EPHA5: variants seen among roughly 807,000 people sequenced by gnomAD.
EPHA5 encodes ephrin type-A receptor 5.
EPHA5 carries 60 observed loss-of-function variants against 105.0 expected under a neutral mutation model. That is an observed-to-expected ratio of 0.57 (90% CI 0.46 to 0.71). The LOEUF is 0.71. Ranked by LOEUF, EPHA5 falls within the 30% of genes least tolerant of loss-of-function variation. The probability of loss-of-function intolerance (pLI) is 0.00; values close to 1 mark genes in which losing one functional copy is unlikely to be tolerated. For synonymous variants in EPHA5, 513 were observed against 449.1 expected, an observed-to-expected ratio of 1.14 and a Z score of -1.80; for missense variants, 1,218 against 1,274.7, an observed-to-expected ratio of 0.96 and a Z score of 0.68.
intron 2 of EPHA5, among the ~76,000 whole-genome samples, chr4:65,604,015 A>C (rs949727868): frequency 6.6e-6 from 1 of 152,252 alleles, no homozygotes; most frequent in African/African-American, 2.4e-5. Context: ...CCATAATAAG[A>C]TTAAATATAT....
intron 5 of EPHA5, among the ~76,000 whole-genome samples, chr4:65,475,635 G>T (rs1320555560): frequency 6.6e-6 from 1 of 152,106 alleles, no homozygotes; most frequent in Non-Finnish European, 1.5e-5. Flanking sequence ...TTTACAATAT[G>T]CATTTTTAAC....
intron 2 of EPHA5, among the ~76,000 whole-genome samples, chr4:65,622,665 A>G (rs938422808): frequency 2.0e-5 from 3 of 152,138 alleles, no homozygotes; most frequent in African/African-American, 7.2e-5. Context: ...GGTAGTGATA[A>G]CAGAGGATGG....
intron 3 of EPHA5, among the ~76,000 whole-genome samples, chr4:65,595,053 A>T (rs915516241): frequency 6.6e-6 from 1 of 151,728 alleles, no homozygotes. Context: ...ATTAAAATAG[A>T]TTTCTGCACT....
At chr4:65,448,900 G>C (rs1169051219) in intron 5 of EPHA5, among the ~76,000 whole-genome samples, 1 of 152,036 alleles carries the variant, frequency 6.6e-6, no homozygotes, top group Non-Finnish European at 1.5e-5. Flanking sequence ...GGAAATTAGA[G>C]ATCTCTATGT....
At chr4:65,539,716 T>C (rs1471413941) in intron 3 of EPHA5, among the ~76,000 whole-genome samples, 1 of 151,592 alleles carries the variant, frequency 6.6e-6, no homozygotes, top group Non-Finnish European at 1.5e-5. Flanking sequence ...AAGCATACTG[T>C]TTTGAAAACC....
chr4:65,402,052 G>A lies in EPHA5; in HGVS notation c.1793+2322C>T, dbSNP rs183205572. Among the ~76,000 whole-genome samples, 82 of 152,184 alleles carry A rather than the reference G, an allele frequency of 5.4e-4. No individual in the cohort carries two copies. The East Asian group carries it at 0.013, about 24-fold the overall frequency. ...CCAGGTGGAGGTAATTGGATCATGC[G>A]AGCGGTTTTCCACATGCTGTTCTCA... is the stretch of plus-strand genomic sequence containing the variant. On this transcript the variant is annotated intron_variant, in intron 8 of 16. Transcript: ENST00000613740.
At chr4:65,619,037 C>A (rs964834304) in intron 2 of EPHA5, among the ~76,000 whole-genome samples, 2 of 152,096 alleles carry the variant, frequency 1.3e-5, no homozygotes, top group African/African-American at 4.8e-5. Flanking sequence ...TGCCTGTAAT[C>A]CCAGCTACTC....
chr4:65,653,689 A>G lies in EPHA5; in HGVS notation c.182-10262T>C, dbSNP rs1748807950. 5.3e-5 allele frequency among the ~76,000 whole-genome samples: 8 copies of G among 152,244 alleles called. No homozygotes were observed. In the South Asian group the frequency reaches 1.7e-3, roughly 32 times the overall value. On this transcript the variant is annotated intron_variant, in intron 1 of 16. Coordinates refer to ENST00000613740, the MANE Select transcript of EPHA5 (RefSeq NM_001281766.3). Reference sequence around the variant, plus strand: ...TTTTTGGTCACAAAATGACTGCAGTAGTTGGCTATTTGTCCTTTCTCAAAG... The same window carrying G: ...TTTTTGGTCACAAAATGACTGCAGTGGTTGGCTATTTGTCCTTTCTCAAAG...
At chr4:65,574,681 T>TATATATATAC (rs1560717739) in intron 3 of EPHA5, among the ~76,000 whole-genome samples, 7 of 81,084 alleles carry the variant, frequency 8.6e-5, no homozygotes, top group South Asian at 3.8e-4. Context: ...TATATATACA[T>TATATATATAC]ATATATACAT....
intron 3 of EPHA5, among the ~76,000 whole-genome samples, chr4:65,576,098 G>GAA (rs1250522549): frequency 3.5e-4 from 27 of 77,456 alleles, no homozygotes; most frequent in South Asian, 4.9e-4. Context: ...GAAAAGAAAA[G>GAA]AAAAGAAAAG....
intron 5 of EPHA5, among the ~76,000 whole-genome samples, chr4:65,442,501 C>T (rs530608731): frequency 3.9e-5 from 6 of 152,266 alleles, no homozygotes. Flanking sequence ...GATTAAAACA[C>T]AGTCTGCCTA....
At chr4:65,425,090 T>A (rs905188798) in intron 5 of EPHA5, among the ~76,000 whole-genome samples, 4 of 152,068 alleles carry the variant, frequency 2.6e-5, no homozygotes, top group Admixed American at 6.6e-5. Context: ...TATACCCATA[T>A]TTTAAGTCTC....
chr4:65,456,244 T>C (rs1369949667), intron 5 of EPHA5, among the ~76,000 whole-genome samples: 1 of 152,174 alleles, frequency 6.6e-6, no homozygotes, highest in Non-Finnish European at 1.5e-5. Flanking sequence ...ATCTCTACTG[T>C]ATTTGCCTTC....
chr4:65,606,350 T>TC (rs1170885043), intron 2 of EPHA5, among the ~76,000 whole-genome samples: 1 of 152,136 alleles, frequency 6.6e-6, no homozygotes, highest in East Asian at 1.9e-4. Flanking sequence ...ACTTCTTAAT[T>TC]CAGAGATCCC....
In EPHA5 at chr4:65,335,992, A is replaced by T. The variant is rs922965024; in HGVS notation, c.2729T>A (p.Met910Lys). The T allele has an allele frequency of 5.0e-6, 8 of 1,613,268 alleles. No homozygotes were observed. The highest frequency in any genetic ancestry group is 6.8e-6 in the Non-Finnish European group (8 of 1,179,558). Reference protein sequence around the residue: ...SRPKFDEIVNMLDKLIRNPSS... With the variant: ...SRPKFDEIVNKLDKLIRNPSS... Reference sequence around the variant, plus strand: ...TGGGTTACGTATCAGCTTGTCCAACATGTTGACTATTTCATCAAACTTGGG... The same window carrying T: ...TGGGTTACGTATCAGCTTGTCCAACTTGTTGACTATTTCATCAAACTTGGG... The change falls in exon 15 of 17, where the codon ATG (methionine) becomes AAG (lysine). Residue 910 changes from methionine to lysine, a missense_variant. Physicochemically the swap from Met to Lys is moderately conservative, Grantham distance 95 (BLOSUM62 -1). Around this residue, in one of 3 missense-constraint regions of EPHA5, gnomAD observed 971 missense variants for 1,013.5 expected, o/e 0.96. Coordinates refer to ENST00000613740, the MANE Select transcript of EPHA5 (RefSeq NM_001281766.3).
intron 3 of EPHA5, among the ~76,000 whole-genome samples, chr4:65,546,197 G>A (rs888955824): frequency 2.0e-5 from 3 of 151,982 alleles, no homozygotes; most frequent in African/African-American, 7.2e-5. Context: ...AAGGCAGTGA[G>A]AGTCTGGCAG....
At chr4:65,469,677 C>A (rs142937177) in intron 5 of EPHA5, among the ~76,000 whole-genome samples, 9 of 151,988 alleles carry the variant, frequency 5.9e-5, no homozygotes, top group Admixed American at 2.6e-4. Context: ...TAATTTAACA[C>A]AAAAAAATTA....
chr4:65,585,460 T>A (rs538094730), intron 3 of EPHA5, among the ~76,000 whole-genome samples: 103 of 151,362 alleles, frequency 6.8e-4, no homozygotes, highest in African/African-American at 2.3e-3. Flanking sequence ...AAAAAAAAAA[T>A]ATTTACCAAG....
intron 2 of EPHA5, among the ~76,000 whole-genome samples, chr4:65,632,366 G>T (rs1033964509): frequency 2.0e-5 from 3 of 151,742 alleles, no homozygotes; most frequent in Non-Finnish European, 4.4e-5. Flanking sequence ...TTTAATACTT[G>T]AGGACAGAAA....
Sources: allele counts gnomAD v4.1 joint callset (sites outside exome capture counted in the v4.1 genomes callset), GRCh38; gene constraint gnomAD v4.1.1; regional missense constraint gnomAD v4.1.1; transcripts MANE v1.5; gene names NCBI Gene and HGNC (gene_info 2026-07-23, HGNC 2026-07-21).